TBC1D1: variants seen among roughly 807,000 people sequenced by gnomAD.
TBC1D1 encodes TBC1 (tre-2/USP6, BUB2, cdc16) domain family, member 1.
Under a neutral mutation model 125.6 loss-of-function variants are expected in TBC1D1, and 89 were observed. The ratio of observed to expected loss-of-function variants is 0.71; its 90% CI spans 0.60 to 0.85. The LOEUF (loss-of-function observed/expected upper bound fraction) is 0.85, where lower values mean the gene tolerates loss of function less well. Among genes scored for constraint, TBC1D1 ranks in the 40% least tolerant of loss-of-function variants. The pLI is 0.00. For synonymous variants in TBC1D1, 565 were observed against 564.1 expected (o/e 1.00, Z -0.02); for missense variants, 1,377 against 1,469.2 (o/e 0.94, Z 1.03).
At chr4:37,999,611 G>C (rs536255200) in intron 2 of TBC1D1, among the ~76,000 whole-genome samples, 89 of 152,274 alleles carry the variant, frequency 5.8e-4, no homozygotes, top group African/African-American at 2.0e-3. Context: ...AGGCCTGTGG[G>C]GGGAGGGAGG....
rs762208710 is a variant in TBC1D1, at chr4:38,014,694, T to C, written c.603T>C (p.Asn201=). ...TCGACGAGTGCATCGAGAAGTTCAA[T>C]CACGTCAGCGGCAGCCGGGGGTCCG... is the stretch of plus-strand genomic sequence containing the variant. Residue 201 remains asparagine (N), a synonymous_variant, in exon 3 of 20, where the codon AAT becomes AAC. Transcript: ENST00000261439. The surrounding 1 kb of genome is among the most constrained non-coding windows in gnomAD (Gnocchi z 5.1). 1.9e-6 allele frequency: 3 copies of C among 1,612,964 alleles called. No individual in the cohort carries two copies. The highest frequency in any genetic ancestry group is 2.5e-6 in the Non-Finnish European group (3 of 1,179,990).
intron 1 of TBC1D1, among the ~76,000 whole-genome samples, chr4:37,895,840 T>C (rs1279729829): frequency 6.6e-6 from 1 of 152,190 alleles, no homozygotes; most frequent in African/African-American, 2.4e-5. Context: ...TTTCAGGAGC[T>C]CCATGCAATG....
At chr4:37,924,030 C>A (rs939720801) in intron 2 of TBC1D1, among the ~76,000 whole-genome samples, 2 of 152,142 alleles carry the variant, frequency 1.3e-5, no homozygotes, top group African/African-American at 4.8e-5. Flanking sequence ...CTGGGACTCA[C>A]TGTGATCGAT....
chr4:38,128,730 C>T (rs932541758), intron 18 of TBC1D1, among the ~76,000 whole-genome samples: 3 of 152,126 alleles, frequency 2.0e-5, no homozygotes, highest in Non-Finnish European at 2.9e-5. Flanking sequence ...GGTGACAGAG[C>T]CCAGGACAGA....
At chr4:37,975,681 C>G (rs932690789) in intron 2 of TBC1D1, among the ~76,000 whole-genome samples, 2 of 152,194 alleles carry the variant, frequency 1.3e-5, no homozygotes, top group Non-Finnish European at 2.9e-5. Flanking sequence ...AAGGCTCGCA[C>G]TCTTGTCTTC....
intron 2 of TBC1D1, among the ~76,000 whole-genome samples, chr4:37,971,131 G>GC (rs969336008): frequency 1.3e-5 from 2 of 152,122 alleles, no homozygotes; most frequent in African/African-American, 4.8e-5. Context: ...TCCCAGACCG[G>GC]CCCCCCTGCC....
At chr4:38,122,977 G>GTTTTA (rs1197291453) in intron 17 of TBC1D1, among the ~76,000 whole-genome samples, 1 of 141,840 alleles carries the variant, frequency 7.1e-6, no homozygotes, top group Non-Finnish European at 1.6e-5. Flanking sequence ...CACTTACTAA[G>GTTTTA]TTGATTTATT....
intron 2 of TBC1D1, among the ~76,000 whole-genome samples, chr4:37,979,335 T>C (rs527862610): frequency 4.7e-4 from 72 of 152,224 alleles, no homozygotes; most frequent in Non-Finnish European, 6.9e-4. Flanking sequence ...TATCCCGAAA[T>C]TGAATGATTT....
intron 1 of TBC1D1, among the ~76,000 whole-genome samples, chr4:37,895,437 C>T (rs1004551724): frequency 6.6e-6 from 1 of 152,162 alleles, no homozygotes; most frequent in Non-Finnish European, 1.5e-5. Context: ...ATTTATATGA[C>T]TCGTGCCTGT....
chr4:38,031,309 C>T (rs531484305), intron 7 of TBC1D1, among the ~76,000 whole-genome samples: 3 of 152,284 alleles, frequency 2.0e-5, no homozygotes, highest in Non-Finnish European at 4.4e-5. Flanking sequence ...ATTGATAATT[C>T]ATTAAGTAAC....
At chr4:38,120,038 T>C in intron 17 of TBC1D1, 1 of 985,404 alleles carries the variant, frequency 1.0e-6, no homozygotes, top group Non-Finnish European at 1.2e-6. Flanking sequence ...AGCCCTTCTA[T>C]TGCAGAGTAA....
chr4:38,111,668 T>C (rs1277689191), intron 15 of TBC1D1, among the ~76,000 whole-genome samples: 1 of 152,176 alleles, frequency 6.6e-6, no homozygotes, highest in Non-Finnish European at 1.5e-5. Context: ...CTTGCACAGA[T>C]CTATAGTAGG....
chr4:37,933,433 T>TACACACACAC (rs3038289), intron 2 of TBC1D1, among the ~76,000 whole-genome samples: 1 of 147,262 alleles, frequency 6.8e-6, no homozygotes, highest in Non-Finnish European at 1.5e-5. Flanking sequence ...ACATATGTTT[T>TACACACACAC]ACACACACAC....
intron 2 of TBC1D1, among the ~76,000 whole-genome samples, chr4:37,990,133 T>C (rs1736256738): frequency 6.6e-6 from 1 of 152,234 alleles, no homozygotes; most frequent in Non-Finnish European, 1.5e-5. Context: ...CGTTATTTGC[T>C]TAGGGACATT....
chr4:38,002,773 G>A (rs1332469605), intron 2 of TBC1D1, among the ~76,000 whole-genome samples: 1 of 152,140 alleles, frequency 6.6e-6, no homozygotes, highest in African/African-American at 2.4e-5. Context: ...TAAAAATTAT[G>A]GGTGGCCATT....
chr4:38,090,371 C>T (rs1001796504), intron 13 of TBC1D1, among the ~76,000 whole-genome samples: 2 of 152,186 alleles, frequency 1.3e-5, no homozygotes, highest in African/African-American at 4.8e-5. Flanking sequence ...CTTCTGAGAT[C>T]CAAGCTTTAA....
At chr4:38,117,249 T>C (rs1422166081) in intron 16 of TBC1D1, among the ~76,000 whole-genome samples, 1 of 152,206 alleles carries the variant, frequency 6.6e-6, no homozygotes, top group Non-Finnish European at 1.5e-5. Flanking sequence ...ATATCCAACT[T>C]GGTGGATCTT....
intron 2 of TBC1D1, among the ~76,000 whole-genome samples, chr4:37,966,277 C>T (rs919457095): frequency 6.6e-6 from 1 of 152,168 alleles, no homozygotes; most frequent in Non-Finnish European, 1.5e-5. Flanking sequence ...AATCCATGTG[C>T]AAATTGATTG....
chr4:38,025,037 A>AT (rs1346469803), intron 6 of TBC1D1, among the ~76,000 whole-genome samples: 1 of 152,200 alleles, frequency 6.6e-6, no homozygotes, highest in African/African-American at 2.4e-5. Context: ...ACTCAGTGGT[A>AT]TTTATATAGT....
Sources: gnomAD v4.1 joint callset for allele counts (sites outside exome capture counted in the v4.1 genomes callset) on GRCh38, gnomAD v4.1.1 for gene constraint, Gnocchi (gnomAD v3.1) non-coding constraint, MANE v1.5 for transcripts, NCBI Gene and HGNC (gene_info 2026-07-23, HGNC 2026-07-21) for gene names.